The following PPP1R3C variants were observed in gnomAD, a reference collection of about 807,000 sequenced individuals.
The protein encoded by PPP1R3C is protein phosphatase 1 regulatory subunit 3C, also known as PP1 subunit R5.
PPP1R3C carries 20 observed loss-of-function variants against 29.3 expected under a neutral mutation model. The observed-to-expected ratio is 0.68, with a 90% CI of 0.48 to 0.99. The LOEUF is 0.99. Ranked by LOEUF, PPP1R3C falls within the 50% of genes least tolerant of loss-of-function variation. The pLI is 0.00. For synonymous variants in PPP1R3C, 123 were observed against 143.1 expected (o/e 0.86, Z 1.00); for missense variants, 321 against 386.0 (o/e 0.83, Z 1.41).
rs1454200040 is a variant in PPP1R3C at position 91,628,640 on chromosome 10, G to A, written c.*1287C>T. ...TGCATTCTTGTAACACCTCTCAATG[G>A]TTGTGCACAATAATAGAAGCAACAT... On this transcript the variant is annotated 3_prime_UTR_variant, in exon 2 of 2. Coordinates refer to ENST00000238994, the MANE Select transcript of PPP1R3C (RefSeq NM_005398.7). The A allele has an allele frequency of 1.3e-5, 2 of 151,994 alleles. No individual in the cohort carries two copies. Among genetic ancestry groups the A allele is most frequent in the Admixed American group, 6.6e-5 (1 of 15,252 alleles). The allele number at this position is 151,994 out of a possible 1,614,324, so 9.4% of individuals were successfully genotyped here. A position where few individuals can be genotyped will look rare whatever the true frequency, so the allele number is the denominator to read the frequency against.
At position 91,632,982 on chromosome 10, in the gene PPP1R3C, C is replaced by T. The variant is rs1353454893; in HGVS notation, c.-13G>A. On this transcript the variant is annotated 5_prime_UTR_variant, in exon 1 of 2. Transcript: ENST00000238994. ...TGGTGCAGCTCATTAGGCAGAGAGG[C>T]GGCGGACCCTAAAAGCCAGCACCCG... is the stretch of plus-strand genomic sequence containing the variant. 3.1e-6 allele frequency: 5 copies of T among 1,612,124 alleles called. No homozygotes were observed. The highest frequency in any genetic ancestry group is 4.2e-6 in the Non-Finnish European group (5 of 1,179,274).
rs534212559 is a variant in PPP1R3C, at chr10:91,630,611, G to T, written c.270C>A (p.Ser90=). 3 of 1,612,060 alleles carry T rather than the reference G, an allele frequency of 1.9e-6. No individual in the cohort carries two copies. The African/African-American group carries it at 4.0e-5, about 22-fold the overall frequency. ...QAKKRVVFAD[S]KGLSLTAIHV... is the part of the protein sequence containing the mutation. ...GGATCGCAGTGAGAGAGAGGCCCTTGGAGTCAGCAAACACAACGCGCTTCT... is the reference window on the plus strand; with the variant it reads ...GGATCGCAGTGAGAGAGAGGCCCTTTGAGTCAGCAAACACAACGCGCTTCT... The change falls in exon 2 of 2, where the codon TCC becomes TCA. Residue 90 remains serine, a synonymous_variant. Transcript: ENST00000238994. This position sits in a 1 kb window ranked among gnomAD's most constrained non-coding sequence, Gnocchi z 4.4.
intron 1 of PPP1R3C, among the ~76,000 whole-genome samples, chr10:91,632,005 A>C (rs1848722339): frequency 1.3e-5 from 2 of 152,352 alleles, no homozygotes; most frequent in Non-Finnish European, 2.9e-5. Context: ...TCTATAAAGA[A>C]GACTTTTCTC....
chr10:91,630,973 C>A lies in PPP1R3C; in HGVS notation c.15-107G>T. 1.1e-6 allele frequency: 1 copy of A among 947,730 alleles called. No individual in the cohort carries two copies. The highest frequency in any genetic ancestry group is 1.7e-6 in the Non-Finnish European group (1 of 602,712). 58.7% of individuals were successfully genotyped at this position (947,730 alleles called of 1,614,324 possible). A position where few individuals can be genotyped will look rare whatever the true frequency, so the allele number is the denominator to read the frequency against. On this transcript the variant is annotated intron_variant, in intron 1 of 1. Coordinates refer to ENST00000238994, the MANE Select transcript of PPP1R3C (RefSeq NM_005398.7). This position sits in a 1 kb window ranked among gnomAD's most constrained non-coding sequence, Gnocchi z 4.4. The stretch of plus-strand genomic sequence containing the variant: ...TGCTGACTGAATTATAGCCAGTGCA[C>A]TAGATATCAGGCAGGTGCTATCATA...
chr10:91,630,093 G>T lies in PPP1R3C; in HGVS notation c.788C>A (p.Pro263His), dbSNP rs764393201. The T allele has an allele frequency of 6.2e-7, 1 of 1,614,198 alleles. No individual in the cohort carries two copies. Among genetic ancestry groups the T allele is most frequent in the African/African-American group, 1.3e-5 (1 of 75,038 alleles). Residue 263 changes from proline (P) to histidine (H), a missense_variant, in exon 2 of 2, where the codon CCT becomes CAT. By Grantham distance (77) the Pro-to-His change is moderately conservative (BLOSUM62 -2). Coordinates refer to ENST00000238994, the MANE Select transcript of PPP1R3C (RefSeq NM_005398.7). This position sits in a 1 kb window ranked among gnomAD's most constrained non-coding sequence, Gnocchi z 4.4. ...TGCCATCTGTGTCTGCACCCCATCA[G>T]GCTTCCATTGAACATGAACAATTCT... ...NYRIVHVQWK[P>H]DGVQTQMAPQ...
rs747368008 is a variant in PPP1R3C at position 91,630,522 on chromosome 10, T to C, written c.359A>G (p.Asn120Ser). 3.1e-6 allele frequency: 5 copies of C among 1,614,096 alleles called. No homozygotes were observed. Among genetic ancestry groups the C allele is most frequent in the Non-Finnish European group, 4.2e-6 (5 of 1,180,052 alleles). ...GTGTTTTAAGGCAGAGGAGATATCATTAAGGTCCAAGAGATCAAACTGCAG... is the reference window on the plus strand; with the variant it reads ...GTGTTTTAAGGCAGAGGAGATATCACTAAGGTCCAAGAGATCAAACTGCAG... ...WDLQFDLLDLNDISSALKHHE... is the reference protein window; with the variant it reads ...WDLQFDLLDLSDISSALKHHE... Residue 120 changes from asparagine (N) to serine (S), a missense_variant, in exon 2 of 2, where the codon AAT becomes AGT. By Grantham distance (46) the Asn-to-Ser change is conservative. Transcript: ENST00000238994. The surrounding 1 kb of genome is among the most constrained non-coding windows in gnomAD (Gnocchi z 4.4).
Position 91,630,004 on chromosome 10 carries a change from T to C in PPP1R3C, c.877A>G (p.Ser293Gly), listed in dbSNP as rs1848697340. The part of the protein sequence containing the change: ...KTELESTIFG[S>G]PRLASGLFPE... ...AAGAGCCCACTAGCCAGCCTCGGAC[T>C]GCCAAAGATTGTTGACTCTAACTCT... Residue 293 changes from serine (S) to glycine (G), a missense_variant, in exon 2 of 2, where the codon AGT becomes GGT. Ser to Gly is a moderately conservative substitution (Grantham distance 56). Coordinates refer to ENST00000238994, the MANE Select transcript of PPP1R3C (RefSeq NM_005398.7). This position sits in a 1 kb window ranked among gnomAD's most constrained non-coding sequence, Gnocchi z 4.4. 1.2e-6 allele frequency: 2 copies of C among 1,614,120 alleles called. No homozygotes were observed. The highest frequency in any genetic ancestry group is 1.7e-6 in the Non-Finnish European group (2 of 1,180,044).
chr10:91,628,538 A>G lies in PPP1R3C; in HGVS notation c.*1389T>C, dbSNP rs1848679256. 1 of 152,226 alleles carries G rather than the reference A, an allele frequency of 6.6e-6. No individual in the cohort carries two copies. The highest frequency in any genetic ancestry group is 2.4e-5 in the African/African-American group (1 of 41,454). 9.4% of individuals were successfully genotyped at this position (152,226 alleles called of 1,614,324 possible). A position where few individuals can be genotyped will look rare whatever the true frequency, so the allele number is the denominator to read the frequency against. On this transcript the variant is annotated 3_prime_UTR_variant, in exon 2 of 2. Transcript: ENST00000238994. ...AGTAGAAAAGTATGGATGCTAGCCA[A>G]ACTTCAAATTCTGTCACTGCAGAGT...
Position 91,630,660 on chromosome 10 carries a change from C to T in PPP1R3C, c.221G>A (p.Trp74Ter), listed in dbSNP as rs1236790352. The T allele has an allele frequency of 7.4e-6, 12 of 1,612,472 alleles. No individual in the cohort carries two copies. Among genetic ancestry groups the T allele is most frequent in the Non-Finnish European group, 1.0e-5 (12 of 1,178,712 alleles). ...IKHKAKSQND[W>*]KCSHNQAKKR... ...CTTGGCTTGGTTGTGTGAGCACTTC[C>T]AGTCATTCTGTGATTTGGCTTTGTG... Residue 74 changes from tryptophan to a stop codon, truncating the protein, a stop_gained, in exon 2 of 2, where the codon TGG becomes TAG. Transcript: ENST00000238994. LOFTEE classifies it high-confidence loss of function. The surrounding 1 kb of genome is among the most constrained non-coding windows in gnomAD (Gnocchi z 4.4).
chr10:91,631,777 T>C (rs1442040224), intron 1 of PPP1R3C, among the ~76,000 whole-genome samples: 1 of 152,182 alleles, frequency 6.6e-6, no homozygotes, highest in Non-Finnish European at 1.5e-5. Context: ...ATATACATTT[T>C]ATATATACAA....
rs542054154 is a variant in PPP1R3C, at chr10:91,629,802, G to C, written c.*125C>G. Reference sequence around the variant, plus strand: ...CAAGTGTCTTTCTTTTCCATAGCCAGGTCTCAAAAGCTCAAATCTAAACCT... The same window carrying C: ...CAAGTGTCTTTCTTTTCCATAGCCACGTCTCAAAAGCTCAAATCTAAACCT... On this transcript the variant is annotated 3_prime_UTR_variant, in exon 2 of 2. Transcript: ENST00000238994. 9.9e-7 allele frequency: 1 copy of C among 1,011,576 alleles called. No individual in the cohort carries two copies. The highest frequency in any genetic ancestry group is 1.5e-6 in the Non-Finnish European group (1 of 665,482). The allele number at this position is 1,011,576 out of a possible 1,614,324, so 62.7% of individuals were successfully genotyped here. A position where few individuals can be genotyped will look rare whatever the true frequency, so the allele number is the denominator to read the frequency against.
chr10:91,629,985 C>A lies in PPP1R3C; in HGVS notation c.896G>T (p.Gly299Val). The stretch of plus-strand genomic sequence containing the variant: ...CCAGCTCTGCCACTCTGGGAAGAGC[C>A]CACTAGCCAGCCTCGGACTGCCAAA... Reference protein sequence around the residue: ...TIFGSPRLASGLFPEWQSWGR... With the variant: ...TIFGSPRLASVLFPEWQSWGR... The change falls in exon 2 of 2, where the codon GGG (glycine) becomes GTG (valine). Residue 299 changes from glycine (G) to valine (V), a missense_variant. Physicochemically the swap from Gly to Val is moderately radical, Grantham distance 109. Transcript: ENST00000238994. The A allele has an allele frequency of 6.2e-7, 1 of 1,614,192 alleles. No individual in the cohort carries two copies. Among genetic ancestry groups the A allele is most frequent in the Non-Finnish European group, 8.5e-7 (1 of 1,180,034 alleles).
chr10:91,630,016 T>C lies in PPP1R3C; in HGVS notation c.865A>G (p.Thr289Ala). 1 of 1,614,228 alleles carries C rather than the reference T, an allele frequency of 6.2e-7. No individual in the cohort carries two copies. The highest frequency in any genetic ancestry group is 1.1e-5 in the South Asian group (1 of 91,084). ...QTSPKTELES[T>A]IFGSPRLASG... ...GCCAGCCTCGGACTGCCAAAGATTGTTGACTCTAACTCTGTCTTAGGAGAC... is the reference window on the plus strand; with the variant it reads ...GCCAGCCTCGGACTGCCAAAGATTGCTGACTCTAACTCTGTCTTAGGAGAC... The change falls in exon 2 of 2, where the codon ACA becomes GCA. Residue 289 changes from threonine (T) to alanine (A), a missense_variant. Thr to Ala is a moderately conservative substitution (Grantham distance 58). Transcript: ENST00000238994. This position sits in a 1 kb window ranked among gnomAD's most constrained non-coding sequence, Gnocchi z 4.4.
At chr10:91,631,502 A>T (rs1848717565) in intron 1 of PPP1R3C, among the ~76,000 whole-genome samples, 1 of 149,940 alleles carries the variant, frequency 6.7e-6, no homozygotes. Context: ...ATTGATTGAC[A>T]CTTCTCTGGT....
At position 91,629,881 on chromosome 10, in the gene PPP1R3C, C is replaced by T; in HGVS notation, c.*46G>A. ...ATTGAGCAATACAGACCTAGGATTG[C>T]ATGGGGGAATATGACAAGTCAAGAC... is the stretch of plus-strand genomic sequence containing the variant. On this transcript the variant is annotated 3_prime_UTR_variant, in exon 2 of 2. Coordinates refer to ENST00000238994, the MANE Select transcript of PPP1R3C (RefSeq NM_005398.7). The T allele has an allele frequency of 6.3e-7, 1 of 1,597,334 alleles. No homozygotes were observed.
chr10:91,631,014 C>A (rs185275337), intron 1 of PPP1R3C, 148 bp from the exon 2 acceptor site: 49 of 756,892 alleles, frequency 6.5e-5, no homozygotes, highest in African/African-American at 5.3e-4. Flanking sequence ...TAAAAGAGAA[C>A]AGTATTAAGT....
chr10:91,629,969 C>A lies in PPP1R3C; in HGVS notation c.912G>T (p.Trp304Cys). 6.2e-7 allele frequency: 1 copy of A among 1,614,204 alleles called. No individual in the cohort carries two copies. Among genetic ancestry groups the A allele is most frequent in the Non-Finnish European group, 8.5e-7 (1 of 1,180,034 alleles). Residue 304 changes from tryptophan to cysteine, a missense_variant, in exon 2 of 2, where the codon TGG (tryptophan) becomes TGT (cysteine). By Grantham distance (215) the Trp-to-Cys change is radical (BLOSUM62 -2). Transcript: ENST00000238994. Reference sequence around the variant, plus strand: ...AGTTCTCCATTCTCCCCCAGCTCTGCCACTCTGGGAAGAGCCCACTAGCCA... The same window carrying A: ...AGTTCTCCATTCTCCCCCAGCTCTGACACTCTGGGAAGAGCCCACTAGCCA... ...PRLASGLFPE[W>C]QSWGRMENLA...
chr10:91,629,915 T>G lies in PPP1R3C; in HGVS notation c.*12A>C, dbSNP rs147736541. 6 of 1,613,378 alleles carry G rather than the reference T, an allele frequency of 3.7e-6. No individual in the cohort carries two copies. Among genetic ancestry groups the G allele is most frequent in the Non-Finnish European group, 4.2e-6 (5 of 1,179,576 alleles). On this transcript the variant is annotated 3_prime_UTR_variant, in exon 2 of 2. Coordinates refer to ENST00000238994, the MANE Select transcript of PPP1R3C (RefSeq NM_005398.7). ...ATATGACAAGTCAAGACCAGTTACA[T>G]TGTTGCTTAATTCATCGATAAGAGG...
In PPP1R3C at chr10:91,630,443, T is replaced by C; in HGVS notation, c.438A>G (p.Leu146=). ...TCTTCTGAAAGTGGCTCCGGAAACT[T>C]AAGTAATCGGTTGAAGGCTGAGGGA... ...LDFPQPSTDY[L]SFRSHFQKNF... is the part of the protein sequence containing the mutation. The change falls in exon 2 of 2, where the codon TTA becomes TTG. Residue 146 remains leucine, a synonymous_variant. Transcript: ENST00000238994. This position sits in a 1 kb window ranked among gnomAD's most constrained non-coding sequence, Gnocchi z 4.4. The C allele has an allele frequency of 6.2e-7, 1 of 1,614,200 alleles. No individual in the cohort carries two copies.
Sources: gnomAD v4.1 joint callset for allele counts (sites outside exome capture counted in the v4.1 genomes callset) on GRCh38, gnomAD v4.1.1 for gene constraint, Gnocchi (gnomAD v3.1) non-coding constraint, MANE v1.5 for transcripts, NCBI Gene and HGNC (gene_info 2026-07-23, HGNC 2026-07-21) for gene names.